Variants in BMERB1 observed in about 807,000 individuals in gnomAD.
BMERB1 encodes bMERB domain-containing protein 1.
In BMERB1, 12 loss-of-function variants were observed where a neutral mutation model predicts 23.6. The ratio of observed to expected loss-of-function variants is 0.51; its 90% CI spans 0.33 to 0.82. BMERB1 has a LOEUF of 0.82. BMERB1 is among the 40% of genes least tolerant of loss of function. The pLI, the probability that BMERB1 is intolerant of heterozygous loss-of-function variation, is 0.03. For synonymous variants in BMERB1, 122 were observed against 96.6 expected, an observed-to-expected ratio of 1.26 and a Z score of -1.54; for missense variants, 247 against 255.4, an observed-to-expected ratio of 0.97 and a Z score of 0.22.
rs918909346 is a variant in BMERB1 at position 15,572,971 on chromosome 16, C to T, written c.304+4915C>T. Among the ~76,000 whole-genome samples the T allele has an allele frequency of 3.3e-5, 5 of 152,154 alleles. No homozygotes were observed. In the East Asian group the frequency reaches 9.6e-4, roughly 29 times the overall value. On this transcript the variant is annotated intron_variant, in intron 3 of 5. Transcript: ENST00000300006. ...CCAAGTAAGACGTGCCTTTTGCCTT[C>T]TGCCGTGATTGTGAGGCCTCCCCAG...
chr16:15,471,117 G>A (rs1397756360), intron 1 of BMERB1, among the ~76,000 whole-genome samples: 8 of 151,840 alleles, frequency 5.3e-5, no homozygotes, highest in African/African-American at 1.7e-4. Context: ...GATTACAGGC[G>A]TCAGCCACTG....
intron 1 of BMERB1, among the ~76,000 whole-genome samples, chr16:15,459,201 G>A (rs963940965): frequency 6.6e-6 from 1 of 151,830 alleles, no homozygotes; most frequent in Admixed American, 6.6e-5. Context: ...CTATTAAAAA[G>A]GAACAGACTA....
chr16:15,509,654 C>T (rs1482642517), intron 1 of BMERB1, among the ~76,000 whole-genome samples: 18 of 152,158 alleles, frequency 1.2e-4, no homozygotes, highest in Non-Finnish European at 2.6e-4. Context: ...GCACTTCCCT[C>T]ACCCCCTGGT....
intron 1 of BMERB1, 138 bp downstream of exon 1, chr16:15,434,897 GA>G (rs2050874418): frequency 2.8e-6 from 2 of 703,422 alleles, no homozygotes. Context: ...AGCTCAGGGG[GA>G]TACGCAGCTC....
chr16:15,513,201 G>A (rs1003236703), intron 1 of BMERB1, among the ~76,000 whole-genome samples: 2 of 152,156 alleles, frequency 1.3e-5, no homozygotes, highest in African/African-American at 2.4e-5. Flanking sequence ...AGATGTGTGC[G>A]AAGTTTTCAC....
chr16:15,521,025 G>T lies in BMERB1; in HGVS notation c.230+5597G>T, dbSNP rs538766120. 6.6e-5 allele frequency among the ~76,000 whole-genome samples: 10 copies of T among 151,824 alleles called. No homozygotes were observed. In the South Asian group the frequency reaches 1.7e-3, roughly 25 times the overall value. ...CTGTTTTCTTCATGATTGCTTCCTT[G>T]CTCCTCCCGAGTTCCTGTTTTCTTA... On this transcript the variant is annotated intron_variant, in intron 2 of 5. Transcript: ENST00000300006.
chr16:15,473,075 G>A (rs2051243682), intron 1 of BMERB1, among the ~76,000 whole-genome samples: 1 of 151,962 alleles, frequency 6.6e-6, no homozygotes, highest in South Asian at 2.1e-4. Context: ...GGCCAGGCTG[G>A]TCTCAAACTC....
intron 1 of BMERB1, among the ~76,000 whole-genome samples, chr16:15,478,882 G>T (rs2051295514): frequency 6.6e-6 from 1 of 152,206 alleles, no homozygotes. Flanking sequence ...TCTTCTGGAT[G>T]ATGGAATGGG....
chr16:15,531,643 T>A (rs1042622115), intron 2 of BMERB1, among the ~76,000 whole-genome samples: 2 of 152,108 alleles, frequency 1.3e-5, no homozygotes, highest in Admixed American at 1.3e-4. Flanking sequence ...TTCTCATCAT[T>A]TTTTTGAAAT....
In BMERB1 at chr16:15,583,151, C is replaced by T. The variant is rs1156685901; in HGVS notation, c.420-5C>T. ...TTCTTTTCTTTTACCCATCTACTTT[C>T]ACAGGGAGCAAGAAGAAGACAAGGA... On this transcript the variant is annotated splice_polypyrimidine_tract_variant and splice_region_variant and intron_variant, in intron 4 of 5. Coordinates refer to ENST00000300006, the MANE Select transcript of BMERB1 (RefSeq NM_033201.3). 1 of 1,609,100 alleles carries T rather than the reference C, an allele frequency of 6.2e-7. No homozygotes were observed.
intron 1 of BMERB1, among the ~76,000 whole-genome samples, chr16:15,495,104 G>A (rs1280162490): frequency 6.6e-6 from 1 of 151,666 alleles, no homozygotes; most frequent in African/African-American, 2.4e-5. Context: ...AGCTGGTCTC[G>A]AACTCCTGAC....
At chr16:15,434,780 C>CG (rs760016469) in intron 1 of BMERB1, 21 bp downstream of exon 1, 2 of 828,472 alleles carry the variant, frequency 2.4e-6, no homozygotes, top group East Asian at 3.8e-5. Context: ...GGGCGGGGGG[C>CG]GGGGGGCCGG....
intron 1 of BMERB1, among the ~76,000 whole-genome samples, chr16:15,436,565 A>T (rs915308005): frequency 5.3e-5 from 8 of 151,910 alleles, no homozygotes; most frequent in Non-Finnish European, 1.2e-4. Context: ...GCCCTCTTTT[A>T]GTTATTTTTA....
chr16:15,462,365 G>A (rs1179867944), intron 1 of BMERB1, among the ~76,000 whole-genome samples: 2 of 151,844 alleles, frequency 1.3e-5, no homozygotes, highest in African/African-American at 4.8e-5. Flanking sequence ...TGTTGGCCAG[G>A]CTGGTCTTGA....
At chr16:15,512,184 C>T (rs953709222) in intron 1 of BMERB1, among the ~76,000 whole-genome samples, 4 of 152,010 alleles carry the variant, frequency 2.6e-5, no homozygotes, top group African/African-American at 7.2e-5. Context: ...GCACATGGAA[C>T]GGACACATCA....
At chr16:15,444,262 C>G (rs1295182409) in intron 1 of BMERB1, among the ~76,000 whole-genome samples, 1 of 149,688 alleles carries the variant, frequency 6.7e-6, no homozygotes, top group Non-Finnish European at 1.5e-5. Flanking sequence ...TCTTTTAGTA[C>G]TTCACTCACA....
At chr16:15,453,840 C>G (rs2051062895) in intron 1 of BMERB1, among the ~76,000 whole-genome samples, 1 of 152,180 alleles carries the variant, frequency 6.6e-6, no homozygotes, top group Non-Finnish European at 1.5e-5. Flanking sequence ...CGCCACTGCA[C>G]TCCAGCTTGG....
intron 2 of BMERB1, among the ~76,000 whole-genome samples, chr16:15,551,987 C>G (rs2030104964): frequency 6.6e-6 from 1 of 152,140 alleles, no homozygotes; most frequent in African/African-American, 2.4e-5. Flanking sequence ...TCTCTGTTCA[C>G]ATCTTTAATT....
chr16:15,555,648 A>G (rs368556724), intron 2 of BMERB1, among the ~76,000 whole-genome samples: 2 of 152,102 alleles, frequency 1.3e-5, no homozygotes, highest in East Asian at 3.9e-4. Context: ...GAAAACAGAC[A>G]TATTGGCCTT....
Sources: gnomAD v4.1 joint callset for allele counts (sites outside exome capture counted in the v4.1 genomes callset) on GRCh38, gnomAD v4.1.1 for gene constraint, MANE v1.5 for transcripts, NCBI Gene and HGNC (gene_info 2026-07-23, HGNC 2026-07-21) for gene names.